Variants in POLDIP3 observed in about 807,000 individuals in gnomAD.
POLDIP3 encodes polymerase delta-interacting protein 3.
A neutral mutation model predicts 45.1 loss-of-function variants in POLDIP3; 14 were observed. That is an observed-to-expected ratio of 0.31 (90% CI 0.20 to 0.49). POLDIP3 has a LOEUF of 0.49. Among genes scored for constraint, POLDIP3 ranks in the 20% least tolerant of loss-of-function variants. POLDIP3 has a pLI of 0.99. For synonymous variants in POLDIP3, 223 were observed against 205.2 expected (o/e 1.09, Z -0.74); for missense variants, 511 against 538.8 (o/e 0.95, Z 0.51).
At chr22:42,608,804 T>G (rs1481235361) in intron 1 of POLDIP3, among the ~76,000 whole-genome samples, 2 of 152,048 alleles carry the variant, frequency 1.3e-5, no homozygotes, top group Non-Finnish European at 2.9e-5. Flanking sequence ...TAACGGTAGT[T>G]GAGGATGTAG....
chr22:42,599,721 A>G lies in POLDIP3; in HGVS notation c.610T>C (p.Ser204Pro), dbSNP rs779083875. Residue 204 changes from serine (S) to proline (P), a missense_variant, in exon 4 of 9, where the codon TCA (serine) becomes CCA (proline). Transcript: ENST00000252115. ...VPTKQMKFAA[S>P]GGFLHHMAGL... The stretch of plus-strand genomic sequence containing the variant: ...ACCATGTGGTGGAGAAAGCCGCCTG[A>G]GGCTGCAAACTTCATCTGTTTAGTA... 4 of 1,611,126 alleles carry G rather than the reference A, an allele frequency of 2.5e-6. No individual in the cohort carries two copies. In the Admixed American group the frequency reaches 6.7e-5, roughly 27 times the overall value.
intron 2 of POLDIP3, among the ~76,000 whole-genome samples, chr22:42,602,290 T>A (rs1305937806): frequency 2.0e-5 from 3 of 152,234 alleles, no homozygotes; most frequent in Admixed American, 1.3e-4. Context: ...ATGTTTGCTG[T>A]GGCCGCTGCT....
intron 1 of POLDIP3, among the ~76,000 whole-genome samples, chr22:42,606,462 C>A (rs928834214): frequency 6.6e-6 from 1 of 152,074 alleles, no homozygotes; most frequent in Non-Finnish European, 1.5e-5. Flanking sequence ...GAGACTCCAT[C>A]TCTATAAAAA....
chr22:42,613,205 A>T (rs1471403343), intron 1 of POLDIP3, among the ~76,000 whole-genome samples: 1 of 152,222 alleles, frequency 6.6e-6, no homozygotes, highest in Non-Finnish European at 1.5e-5. Context: ...TGGACTTAGA[A>T]GTGGCCAGAG....
chr22:42,591,923 A>G, intron 7 of POLDIP3, 32 bp downstream of exon 7: 1 of 1,613,166 alleles, frequency 6.2e-7, no homozygotes, highest in Non-Finnish European at 8.5e-7. Flanking sequence ...GATGAGTGGG[A>G]GGGTCAGGGG....
chr22:42,590,018 G>T (rs899440274), intron 7 of POLDIP3, among the ~76,000 whole-genome samples: 3 of 151,816 alleles, frequency 2.0e-5, no homozygotes, highest in Non-Finnish European at 2.9e-5. Flanking sequence ...TAGAAGAAAA[G>T]AAAATCTGGA....
rs771381184 is a variant in POLDIP3 at position 42,587,586 on chromosome 22, G to C, written c.1022-14C>G. 1.2e-6 allele frequency: 2 copies of C among 1,610,784 alleles called. No homozygotes were observed. Among genetic ancestry groups the C allele is most frequent in the Non-Finnish European group, 1.7e-6 (2 of 1,177,036 alleles). Reference sequence around the variant, plus strand: ...TCATCGGCTGCCCTGAAAAACCAAAGAAAGAAAAAGGCTCTGCTATGAGAC... The same window carrying C: ...TCATCGGCTGCCCTGAAAAACCAAACAAAGAAAAAGGCTCTGCTATGAGAC... On this transcript the variant is annotated splice_polypyrimidine_tract_variant and intron_variant, in intron 7 of 8. Coordinates refer to ENST00000252115, the MANE Select transcript of POLDIP3 (RefSeq NM_032311.5).
In POLDIP3 at chr22:42,599,808, T is replaced by C. The variant is rs1926238691; in HGVS notation, c.538-15A>G. ...TCATATAAATTCTGAGAATATAACA[T>C]AAAGAAATATAAGCAAATGTGGCAT... On this transcript the variant is annotated splice_polypyrimidine_tract_variant and intron_variant, in intron 3 of 8. Transcript: ENST00000252115. 2 of 1,562,632 alleles carry C rather than the reference T, an allele frequency of 1.3e-6. No homozygotes were observed. Among genetic ancestry groups the C allele is most frequent in the Non-Finnish European group, 1.8e-6 (2 of 1,136,380 alleles).
intron 2 of POLDIP3, among the ~76,000 whole-genome samples, chr22:42,602,409 CT>C (rs1280832940): frequency 1.3e-5 from 2 of 152,194 alleles, no homozygotes; most frequent in Non-Finnish European, 2.9e-5. Flanking sequence ...CCAAATCCCA[CT>C]GGGCCTGGGG....
At chr22:42,591,833 G>T in intron 7 of POLDIP3, 122 bp downstream of exon 7, 1 of 1,318,678 alleles carries the variant, frequency 7.6e-7, no homozygotes, top group Non-Finnish European at 1.1e-6. Flanking sequence ...AGTTCCTGGT[G>T]CAGACGAGGC....
At chr22:42,608,255 C>CA (rs893049541) in intron 1 of POLDIP3, among the ~76,000 whole-genome samples, 1 of 76,272 alleles carries the variant, frequency 1.3e-5, no homozygotes, top group Non-Finnish European at 2.5e-5. Context: ...ATAACCTTAC[C>CA]CCCCCCCCCA....
At chr22:42,590,743 A>G (rs900477030) in intron 7 of POLDIP3, among the ~76,000 whole-genome samples, 4 of 152,216 alleles carry the variant, frequency 2.6e-5, no homozygotes, top group African/African-American at 9.6e-5. Context: ...ACAACTCAGT[A>G]TTTAAAAAGC....
intron 2 of POLDIP3, among the ~76,000 whole-genome samples, chr22:42,602,358 GGT>G (rs1044713746): frequency 2.6e-5 from 4 of 152,236 alleles, no homozygotes; most frequent in Non-Finnish European, 1.5e-5. Flanking sequence ...TTCCCTCTGT[GGT>G]GGCAGCTGTG....
chr22:42,596,547 G>A (rs1047741109), intron 4 of POLDIP3, among the ~76,000 whole-genome samples, 182 bp from the exon 5 acceptor site: 2 of 152,160 alleles, frequency 1.3e-5, no homozygotes, highest in East Asian at 3.8e-4. Context: ...GGAAGGGGCA[G>A]GGGGAGAGAA....
chr22:42,606,159 T>C lies in POLDIP3; in HGVS notation c.60-2999A>G, dbSNP rs577523995. On this transcript the variant is annotated intron_variant, in intron 1 of 8. Transcript: ENST00000252115. ...TCTGTTTCAAAAAAAATAAAGGACA[T>C]GATCAATGAAAACTTCTGAGTATTA... Among the ~76,000 whole-genome samples, 4 of 151,214 alleles carry C rather than the reference T, an allele frequency of 2.6e-5. No individual in the cohort carries two copies. In the East Asian group the frequency reaches 5.9e-4, roughly 22 times the overall value.
intron 1 of POLDIP3, among the ~76,000 whole-genome samples, chr22:42,605,663 G>A (rs540762884): frequency 7.2e-5 from 11 of 152,244 alleles, no homozygotes; most frequent in African/African-American, 2.6e-4. Context: ...GGGAGATGGA[G>A]GCACTAGAGA....
At position 42,596,240 on chromosome 22, in the gene POLDIP3, C is replaced by A. The variant is rs1327738617; in HGVS notation, c.759G>T (p.Met253Ile). The A allele has an allele frequency of 2.5e-6, 4 of 1,614,206 alleles. No individual in the cohort carries two copies. The South Asian group carries it at 4.4e-5, about 18-fold the overall frequency. The change falls in exon 5 of 9, where the codon ATG (methionine) becomes ATT (isoleucine). Residue 253 changes from methionine (M) to isoleucine (I), a missense_variant. By Grantham distance (10) the Met-to-Ile change is conservative. Around this residue, in one of 4 missense-constraint regions of POLDIP3, gnomAD observed 378 missense variants for 352.3 expected, o/e 1.07. Coordinates refer to ENST00000252115, the MANE Select transcript of POLDIP3 (RefSeq NM_032311.5). ...CTTCCTTGTTCACCAGTGTCCGGGA[C>A]ATGTTGGTCAAGGCTTTTGTTCGAA... The part of the protein sequence containing the change: ...SSIRTKALTN[M>I]SRTLVNKEEP...
At chr22:42,604,027 A>G (rs1020038186) in intron 1 of POLDIP3, among the ~76,000 whole-genome samples, 1 of 152,142 alleles carries the variant, frequency 6.6e-6, no homozygotes, top group African/African-American at 2.4e-5. Flanking sequence ...AGTGGCTTGA[A>G]AGTGAACAGA....
In POLDIP3 at chr22:42,584,414, C is replaced by T. The variant is rs1925165731; in HGVS notation, c.*1377G>A. The T allele has an allele frequency of 6.3e-6, 1 of 159,688 alleles. No homozygotes were observed. The highest frequency in any genetic ancestry group is 1.4e-5 in the Non-Finnish European group (1 of 72,292). 9.9% of individuals were successfully genotyped at this position (159,688 alleles called of 1,614,324 possible). A position where few individuals can be genotyped will look rare whatever the true frequency, so the allele number is the denominator to read the frequency against. On this transcript the variant is annotated 3_prime_UTR_variant, in exon 9 of 9. Transcript: ENST00000252115. ...GGAAACATGAGTCTCTGGTTTTTTT[C>T]ACTGGGCTAGCCTCAAGCAAATCTT...
Sources: gnomAD v4.1 joint callset for allele counts (sites outside exome capture counted in the v4.1 genomes callset) on GRCh38, gnomAD v4.1.1 for gene constraint, gnomAD v4.1.1 regional missense constraint, MANE v1.5 for transcripts, NCBI Gene and HGNC (gene_info 2026-07-23, HGNC 2026-07-21) for gene names.